The following SCAPER variants were observed in gnomAD, a reference collection of about 807,000 sequenced individuals.
SCAPER encodes the protein S-phase cyclin A associated protein in the ER.
SCAPER carries 98 observed loss-of-function variants against 182.2 expected under a neutral mutation model. The observed-to-expected ratio is 0.54, with a 90% CI of 0.46 to 0.64. SCAPER has a LOEUF of 0.64. Ranked by LOEUF, SCAPER falls within the 30% of genes least tolerant of loss-of-function variation. The pLI is 0.00. For synonymous variants in SCAPER, 605 were observed against 564.6 expected (o/e 1.07, Z -1.01); for missense variants, 1,432 against 1,690.0 (o/e 0.85, Z 2.68).
At chr15:76,704,456 G>T (rs145368999) in intron 18 of SCAPER, among the ~76,000 whole-genome samples, 50 of 152,254 alleles carry the variant, frequency 3.3e-4, no homozygotes, top group African/African-American at 1.2e-3. Flanking sequence ...ACCGTTTTAG[G>T]TCTAATGTTT....
intron 23 of SCAPER, among the ~76,000 whole-genome samples, chr15:76,537,579 A>G (rs1449097189): frequency 2.0e-5 from 3 of 151,956 alleles, no homozygotes; most frequent in East Asian, 3.9e-4. Context: ...AAGATGGATT[A>G]AAGACTTAAA....
intron 11 of SCAPER, 105 bp from the exon 12 acceptor site, chr15:76,765,743 A>G: frequency 1.0e-6 from 1 of 955,488 alleles, no homozygotes; most frequent in Non-Finnish European, 1.6e-6. Context: ...AATATATTCT[A>G]TTTAACCAAC....
At chr15:76,584,756 T>G (rs1422790699) in intron 22 of SCAPER, among the ~76,000 whole-genome samples, 2 of 152,156 alleles carry the variant, frequency 1.3e-5, no homozygotes, top group Non-Finnish European at 2.9e-5. Context: ...CTTGCTATGT[T>G]GCCCACACTG....
chr15:76,881,952 C>A (rs2073567825), intron 2 of SCAPER, among the ~76,000 whole-genome samples: 1 of 152,106 alleles, frequency 6.6e-6, no homozygotes, highest in Non-Finnish European at 1.5e-5. Flanking sequence ...GAGAAGAAAG[C>A]TGAATTTCTC....
intron 22 of SCAPER, among the ~76,000 whole-genome samples, chr15:76,587,648 C>A (rs2048765813): frequency 6.6e-6 from 1 of 152,122 alleles, no homozygotes; most frequent in Admixed American, 6.5e-5. Flanking sequence ...TGACAGAGTA[C>A]ATGATATAAT....
At chr15:76,856,466 A>G (rs1162175080) in intron 4 of SCAPER, among the ~76,000 whole-genome samples, 1 of 151,168 alleles carries the variant, frequency 6.6e-6, no homozygotes, top group Non-Finnish European at 1.5e-5. Context: ...ATATGTGTAT[A>G]TATGTGCATA....
At chr15:76,678,909 G>A (rs1340973531) in intron 20 of SCAPER, among the ~76,000 whole-genome samples, 1 of 152,146 alleles carries the variant, frequency 6.6e-6, no homozygotes, top group Admixed American at 6.5e-5. Context: ...TTAAGTTAAG[G>A]AGGAATGATT....
intron 20 of SCAPER, among the ~76,000 whole-genome samples, chr15:76,671,845 G>T (rs1236969641): frequency 6.6e-6 from 1 of 151,916 alleles, no homozygotes; most frequent in East Asian, 1.9e-4. Flanking sequence ...GAGAAATTAG[G>T]GGGAAACATC....
intron 5 of SCAPER, among the ~76,000 whole-genome samples, chr15:76,826,413 G>C (rs577932635): frequency 1.7e-3 from 201 of 118,810 alleles, no homozygotes; most frequent in Non-Finnish European, 2.6e-3. Flanking sequence ...GGACTGTTGT[G>C]GGGTGGGGGG....
At chr15:76,440,817 C>T (rs1490066169) in intron 25 of SCAPER, among the ~76,000 whole-genome samples, 1 of 146,800 alleles carries the variant, frequency 6.8e-6, no homozygotes, top group Non-Finnish European at 1.5e-5. Flanking sequence ...TTTACCTCAA[C>T]AATTTACATG....
intron 17 of SCAPER, among the ~76,000 whole-genome samples, chr15:76,717,135 T>G: frequency 1.6e-5 from 1 of 64,114 alleles, no homozygotes; most frequent in African/African-American, 5.6e-5. Context: ...TTCAAAATGA[T>G]GAAAGGGAAA....
chr15:76,526,390 G>A (rs1215080149), intron 23 of SCAPER, among the ~76,000 whole-genome samples: 1 of 152,092 alleles, frequency 6.6e-6, no homozygotes, highest in African/African-American at 2.4e-5. Context: ...CTCTACTCTA[G>A]TAGTTTAAAG....
chr15:76,811,231 A>G (rs1403916819), intron 5 of SCAPER, among the ~76,000 whole-genome samples: 1 of 152,144 alleles, frequency 6.6e-6, no homozygotes, highest in African/African-American at 2.4e-5. Context: ...TTTTCAGGGC[A>G]GATCACAAAA....
intron 2 of SCAPER, among the ~76,000 whole-genome samples, chr15:76,866,196 C>G (rs1323212090): frequency 2.0e-5 from 3 of 152,056 alleles, no homozygotes; most frequent in African/African-American, 4.8e-5. Flanking sequence ...TCAGATAATT[C>G]CCTTACACAA....
chr15:76,503,886 T>A (rs1479167109), intron 24 of SCAPER, among the ~76,000 whole-genome samples: 1 of 146,898 alleles, frequency 6.8e-6, no homozygotes, highest in Non-Finnish European at 1.5e-5. Context: ...AAGCATTTAC[T>A]TTTTTTTTTT....
At chr15:76,500,528 T>C (rs892529519) in intron 24 of SCAPER, among the ~76,000 whole-genome samples, 4 of 152,182 alleles carry the variant, frequency 2.6e-5, no homozygotes, top group Non-Finnish European at 5.9e-5. Context: ...GTGCCACCTC[T>C]CACTTTAATT....
At chr15:76,713,237 T>C (rs192696299) in intron 17 of SCAPER, among the ~76,000 whole-genome samples, 10 of 152,040 alleles carry the variant, frequency 6.6e-5, no homozygotes, top group Non-Finnish European at 1.3e-4. Flanking sequence ...CTCAGGCATC[T>C]AGAACTAGAA....
At chr15:76,518,455 T>A (rs1414035169) in intron 23 of SCAPER, among the ~76,000 whole-genome samples, 1 of 152,188 alleles carries the variant, frequency 6.6e-6, no homozygotes, top group African/African-American at 2.4e-5. Flanking sequence ...GCACAGCTAA[T>A]TTTAGAGATG....
intron 22 of SCAPER, among the ~76,000 whole-genome samples, chr15:76,577,764 C>A (rs1364161275): frequency 6.6e-6 from 1 of 152,026 alleles, no homozygotes; most frequent in Non-Finnish European, 1.5e-5. Context: ...AGATGGGATA[C>A]AGCCCATTCC....
Sources: gnomAD v4.1 joint callset for allele counts (sites outside exome capture counted in the v4.1 genomes callset) on GRCh38, gnomAD v4.1.1 for gene constraint, MANE v1.5 for transcripts, NCBI Gene and HGNC (gene_info 2026-07-23, HGNC 2026-07-21) for gene names.